Variants in STAM2 observed in about 807,000 individuals in gnomAD.
STAM2 encodes signal transducing adaptor molecule 2.
Under a neutral mutation model 65.6 loss-of-function variants are expected in STAM2, and 51 were observed. The ratio of observed to expected loss-of-function variants is 0.78; its 90% confidence interval spans 0.62 to 0.98. STAM2 has a LOEUF of 0.98. STAM2 is among the 50% of genes least tolerant of loss of function. STAM2 has a pLI of 0.00. For missense variants in STAM2, 584 were observed against 617.8 expected (o/e 0.95, Z 0.58); for synonymous variants, 198 against 208.4 (o/e 0.95, Z 0.43).
chr2:152,168,401 G>A lies in STAM2; in HGVS notation c.40+7202C>T, dbSNP rs528765657. On this transcript the variant is annotated intron_variant, in intron 1 of 13. Coordinates refer to ENST00000263904, the MANE Select transcript of STAM2 (RefSeq NM_005843.6). ...TCTCGAACTCCTGACCTTGTAATCC[G>A]CCCACCTCGACCTCCCAAAGTGCTG... Among the ~76,000 whole-genome samples, 46 of 152,002 alleles carry A rather than the reference G, an allele frequency of 3.0e-4. No individual in the cohort carries two copies. In the South Asian group the frequency reaches 3.5e-3, roughly 12 times the overall value.
intron 1 of STAM2, among the ~76,000 whole-genome samples, chr2:152,174,367 G>A (rs1689968644): frequency 6.6e-6 from 1 of 152,084 alleles, no homozygotes; most frequent in South Asian, 2.1e-4. Context: ...CGTTCCAAAA[G>A]GAAACAGTGA....
chr2:152,160,571 C>T (rs1370759066), intron 1 of STAM2, among the ~76,000 whole-genome samples: 11 of 151,574 alleles, frequency 7.3e-5, no homozygotes, highest in East Asian at 2.0e-4. Context: ...GGTCAGCCCC[C>T]GCCAGGCCAG....
intron 2 of STAM2, among the ~76,000 whole-genome samples, chr2:152,149,376 C>T (rs1302193159): frequency 1.3e-5 from 2 of 151,854 alleles, no homozygotes; most frequent in Non-Finnish European, 2.9e-5. Context: ...CTTTTATGTC[C>T]CAAAAGTAAA....
At chr2:152,162,906 C>T (rs531092015) in intron 1 of STAM2, among the ~76,000 whole-genome samples, 1 of 151,988 alleles carries the variant, frequency 6.6e-6, no homozygotes, top group African/African-American at 2.4e-5. Context: ...GTGATCTGCC[C>T]GCCTCAGCCT....
chr2:152,164,265 T>TAA (rs1689736882), intron 1 of STAM2, among the ~76,000 whole-genome samples: 1 of 152,134 alleles, frequency 6.6e-6, no homozygotes, highest in African/African-American at 2.4e-5. Context: ...ATACATATCT[T>TAA]AAACACACTG....
intron 1 of STAM2, among the ~76,000 whole-genome samples, chr2:152,172,943 A>G (rs191505185): frequency 4.6e-5 from 7 of 152,146 alleles, no homozygotes; most frequent in African/African-American, 1.7e-4. Flanking sequence ...GAAAGCTCCT[A>G]TCTGAAGGTC....
chr2:152,160,301 C>T (rs1438290895), intron 1 of STAM2, among the ~76,000 whole-genome samples: 24 of 151,712 alleles, frequency 1.6e-4, no homozygotes, highest in Admixed American at 1.2e-3. Flanking sequence ...TCTTCCCGGC[C>T]GCCATCCCAT....
In STAM2 at chr2:152,120,412, AAAAC is replaced by A; in HGVS notation, c.*158_*161del. 1.7e-6 allele frequency: 1 copy of A among 573,158 alleles called. No individual in the cohort carries two copies. The highest frequency in any genetic ancestry group is 3.0e-6 in the Non-Finnish European group (1 of 336,132). The allele number at this position is 573,158 out of a possible 1,614,324, so 35.5% of individuals were successfully genotyped here. ...ACTGGACTGAAAAAAAAAAAAAAAA[AAAAC>A]CTTTTATGGCCTTGTAGAATAAGAG... On this transcript the variant is annotated 3_prime_UTR_variant, in exon 14 of 14. Transcript: ENST00000263904.
At chr2:152,131,083 GAA>G in intron 11 of STAM2, among the ~76,000 whole-genome samples, 1 of 151,860 alleles carries the variant, frequency 6.6e-6, no homozygotes, top group South Asian at 2.1e-4. Context: ...GACAAGAAAT[GAA>G]AAGAGAAGGT....
intron 7 of STAM2, among the ~76,000 whole-genome samples, chr2:152,142,875 A>T (rs1450069507): frequency 6.6e-6 from 1 of 152,078 alleles, no homozygotes; most frequent in Admixed American, 6.6e-5. Context: ...CTTCTTGCAA[A>T]ATTTTTTATC....
chr2:152,165,883 A>T (rs1689772958), intron 1 of STAM2, among the ~76,000 whole-genome samples: 1 of 152,240 alleles, frequency 6.6e-6, no homozygotes, highest in Non-Finnish European at 1.5e-5. Context: ...CCCAAAATCA[A>T]GAGTTATCAA....
chr2:152,123,542 T>A (rs1688900232), intron 13 of STAM2, among the ~76,000 whole-genome samples: 1 of 152,146 alleles, frequency 6.6e-6, no homozygotes, highest in Admixed American at 6.5e-5. Context: ...ATGGGCTTAG[T>A]CTCATAAAGG....
In STAM2 at chr2:152,126,385, G is replaced by A. The variant is rs555939907; in HGVS notation, c.1026-6C>T. 1.3e-6 allele frequency: 2 copies of A among 1,526,070 alleles called. No homozygotes were observed. The highest frequency in any genetic ancestry group is 2.7e-5 in the South Asian group (2 of 74,924). The allele number at this position is 1,526,070 out of a possible 1,614,324, so 94.5% of individuals were successfully genotyped here. ...CAGACAATTCTGAATGCTTCCTGAT[G>A]TAGAAGAAAAGTATTATAATACTCT... On this transcript the variant is annotated splice_polypyrimidine_tract_variant and splice_region_variant and intron_variant, in intron 11 of 13. Transcript: ENST00000263904.
rs1195809479 is a variant in STAM2, at chr2:152,118,539, T to C, written c.*2035A>G. The C allele has an allele frequency of 6.6e-6, 1 of 151,164 alleles. No homozygotes were observed. The highest frequency in any genetic ancestry group is 1.5e-5 in the Non-Finnish European group (1 of 67,772). The allele number at this position is 151,164 out of a possible 1,614,324, so 9.4% of individuals were successfully genotyped here. A position where few individuals can be genotyped will look rare whatever the true frequency, so the allele number is the denominator to read the frequency against. On this transcript the variant is annotated 3_prime_UTR_variant, in exon 14 of 14. Transcript: ENST00000263904. ...TTTAGTGGGTGTGCAGTAATTATATTGGCTCAAAGACATGCTGAATTAAAC... is the reference window on the plus strand; with the variant it reads ...TTTAGTGGGTGTGCAGTAATTATATCGGCTCAAAGACATGCTGAATTAAAC...
chr2:152,171,683 C>G (rs1661701771), intron 1 of STAM2, among the ~76,000 whole-genome samples: 1 of 152,234 alleles, frequency 6.6e-6, no homozygotes, highest in Non-Finnish European at 1.5e-5. Context: ...TAAAATGTCA[C>G]TTGGAAATGT....
Position 152,132,481 on chromosome 2 carries a change from A to C in STAM2, c.971-313T>G, listed in dbSNP as rs531444958. 3.3e-5 allele frequency among the ~76,000 whole-genome samples: 5 copies of C among 152,324 alleles called. No homozygotes were observed. In the South Asian group the frequency reaches 1.0e-3, roughly 32 times the overall value. ...AAAACTATGATTAGTTAACTAAAAC[A>C]AACTTAAGCCACAGTATATAAACTA... On this transcript the variant is annotated intron_variant, in intron 10 of 13. Coordinates refer to ENST00000263904, the MANE Select transcript of STAM2 (RefSeq NM_005843.6).
intron 1 of STAM2, among the ~76,000 whole-genome samples, chr2:152,171,163 G>A (rs903721633): frequency 6.6e-6 from 1 of 152,104 alleles, no homozygotes; most frequent in Non-Finnish European, 1.5e-5. Flanking sequence ...GAGAAAGGAG[G>A]AAGAATGGGA....
At position 152,161,087 on chromosome 2, in the gene STAM2, C is replaced by T. The variant is rs558504393; in HGVS notation, c.41-10858G>A. Among the ~76,000 whole-genome samples, 14 of 152,262 alleles carry T rather than the reference C, an allele frequency of 9.2e-5. No individual in the cohort carries two copies. In the East Asian group the frequency reaches 2.5e-3, roughly 27 times the overall value. On this transcript the variant is annotated intron_variant, in intron 1 of 13. Transcript: ENST00000263904. ...AAAGGTGGGGAAAAGATTGAGAAAT[C>T]GGATGGTTGCCGTGTCTGTGTAGAA...
rs1307063030 is a variant in STAM2, at chr2:152,120,170, TTATAAG to T, written c.*398_*403del. On this transcript the variant is annotated 3_prime_UTR_variant, in exon 14 of 14. Transcript: ENST00000263904. ...TTTTAATCCTCCTATCTCATACTGT[TTATAAG>T]TATGAGATACTTTTGACAAACTCAC... 3 of 159,994 alleles carry T rather than the reference TTATAAG, an allele frequency of 1.9e-5. No individual in the cohort carries two copies. The highest frequency in any genetic ancestry group is 1.8e-4 in the South Asian group (1 of 5,654). 9.9% of individuals were successfully genotyped at this position (159,994 alleles called of 1,614,324 possible). A position where few individuals can be genotyped will look rare whatever the true frequency, so the allele number is the denominator to read the frequency against.
Sources: gnomAD v4.1 joint callset for allele counts (sites outside exome capture counted in the v4.1 genomes callset) on GRCh38, gnomAD v4.1.1 for gene constraint, MANE v1.5 for transcripts, NCBI Gene and HGNC (gene_info 2026-07-23, HGNC 2026-07-21) for gene names.